PIP4K2A: variants seen among roughly 807,000 people sequenced by gnomAD.
The protein encoded by PIP4K2A is phosphatidylinositol 5-phosphate 4-kinase type-2 alpha.
PIP4K2A carries 14 observed loss-of-function variants against 42.9 expected under a neutral mutation model. That is an observed-to-expected ratio of 0.33 (90% CI 0.22 to 0.51). The LOEUF is 0.51. Ranked by LOEUF, PIP4K2A falls within the 20% of genes least tolerant of loss-of-function variation. The pLI, the probability that PIP4K2A is intolerant of heterozygous loss-of-function variation, is 0.97. For missense variants in PIP4K2A, 434 were observed against 519.8 expected, an observed-to-expected ratio of 0.83 and a Z score of 1.61; for synonymous variants, 192 against 192.2, an observed-to-expected ratio of 1.00 and a Z score of 0.01.
At chr10:22,539,739 A>C (rs1030797890) in intron 9 of PIP4K2A, 1 of 519,870 alleles carries the variant, frequency 1.9e-6, no homozygotes, top group Admixed American at 3.3e-5. Flanking sequence ...GTGAGCAGTA[A>C]GCGTTTGTGG....
chr10:22,638,306 A>C (rs1251709484), intron 1 of PIP4K2A, among the ~76,000 whole-genome samples: 1 of 151,880 alleles, frequency 6.6e-6, no homozygotes, highest in Non-Finnish European at 1.5e-5. Flanking sequence ...TCTCTGCCAC[A>C]CTCTCCCCTT....
chr10:22,649,460 C>T (rs949557678), intron 1 of PIP4K2A, among the ~76,000 whole-genome samples: 2 of 152,224 alleles, frequency 1.3e-5, no homozygotes, highest in South Asian at 2.1e-4. Flanking sequence ...ACGTGTCAAA[C>T]GGCCATCTCT....
chr10:22,579,901 T>A (rs1273000588), intron 4 of PIP4K2A, among the ~76,000 whole-genome samples: 1 of 150,700 alleles, frequency 6.6e-6, no homozygotes, highest in East Asian at 1.9e-4. Flanking sequence ...AGAACGAGAC[T>A]TCGTCTGAGA....
chr10:22,691,086 G>A (rs1302972478), intron 1 of PIP4K2A, among the ~76,000 whole-genome samples: 1 of 152,174 alleles, frequency 6.6e-6, no homozygotes, highest in Non-Finnish European at 1.5e-5. Flanking sequence ...TTTTGGTAAA[G>A]TCTTAAGAAA....
intron 1 of PIP4K2A, among the ~76,000 whole-genome samples, chr10:22,677,663 CAAG>C (rs1192498357): frequency 6.6e-6 from 1 of 152,082 alleles, no homozygotes; most frequent in East Asian, 1.9e-4. Flanking sequence ...TAAAAAGGTA[CAAG>C]AAAAAAATAA....
At chr10:22,673,359 G>A (rs750288420) in intron 1 of PIP4K2A, among the ~76,000 whole-genome samples, 3 of 152,118 alleles carry the variant, frequency 2.0e-5, no homozygotes, top group Non-Finnish European at 2.9e-5. Context: ...CTCAGTGCAG[G>A]AAAATGCAAT....
intron 1 of PIP4K2A, among the ~76,000 whole-genome samples, chr10:22,641,757 G>A (rs960783002): frequency 2.0e-5 from 3 of 151,900 alleles, no homozygotes; most frequent in African/African-American, 4.8e-5. Context: ...CCCCATGCCC[G>A]GCCTACCTTC....
At chr10:22,708,004 G>C (rs1441351158) in intron 1 of PIP4K2A, among the ~76,000 whole-genome samples, 1 of 152,156 alleles carries the variant, frequency 6.6e-6, no homozygotes, top group Non-Finnish European at 1.5e-5. Flanking sequence ...GGCAGACACA[G>C]GGAAATAAGC....
At chr10:22,678,060 C>T (rs1839591874) in intron 1 of PIP4K2A, among the ~76,000 whole-genome samples, 5 of 152,080 alleles carry the variant, frequency 3.3e-5, no homozygotes, top group Admixed American at 3.3e-4. Flanking sequence ...TCAGTTAAAG[C>T]TCCTGTACAT....
chr10:22,544,651 G>T (rs533263998), intron 7 of PIP4K2A, among the ~76,000 whole-genome samples: 18 of 152,356 alleles, frequency 1.2e-4, no homozygotes, highest in Non-Finnish European at 2.1e-4. Context: ...CACCCCTCCA[G>T]TCCTCTGCAA....
intron 1 of PIP4K2A, among the ~76,000 whole-genome samples, chr10:22,705,129 G>A (rs1833794267): frequency 6.6e-6 from 1 of 152,030 alleles, no homozygotes; most frequent in African/African-American, 2.4e-5. Flanking sequence ...ACTAGGTGAA[G>A]TTCAAGGAGA....
intron 4 of PIP4K2A, among the ~76,000 whole-genome samples, chr10:22,582,107 A>C (rs1358375072): frequency 6.7e-6 from 1 of 149,100 alleles, no homozygotes; most frequent in Non-Finnish European, 1.5e-5. Flanking sequence ...GTCTCAAAAA[A>C]GAAAAAAAAA....
intron 1 of PIP4K2A, among the ~76,000 whole-genome samples, chr10:22,683,928 G>A (rs1564466625): frequency 2.0e-5 from 3 of 150,982 alleles, no homozygotes; most frequent in Admixed American, 6.6e-5. Context: ...TCCTGGAATC[G>A]CCCAGCGCTT....
Position 22,679,895 on chromosome 10 carries a change from A to G in PIP4K2A, c.144+34288T>C, listed in dbSNP as rs113537533. Among the ~76,000 whole-genome samples, 711 of 152,288 alleles carry G rather than the reference A, an allele frequency of 4.7e-3. 3 individuals carry two copies. Among genetic ancestry groups the G allele is most frequent in the Non-Finnish European group, 8.3e-3 (563 of 68,016 alleles). On this transcript the variant is annotated intron_variant, in intron 1 of 9. Coordinates refer to ENST00000376573, the MANE Select transcript of PIP4K2A (RefSeq NM_005028.5). ...GTAGGGGTTGGGGGAAATAAGGTTT[A>G]GGTTTCTTTTAGAGAGGATGAAAAT...
chr10:22,601,444 A>C (rs1328865023), intron 3 of PIP4K2A, among the ~76,000 whole-genome samples: 2 of 152,278 alleles, frequency 1.3e-5, no homozygotes, highest in African/African-American at 4.8e-5. Context: ...AGCTTCCCCC[A>C]GTCTATCAAG....
intron 1 of PIP4K2A, among the ~76,000 whole-genome samples, chr10:22,699,661 G>T (rs1387558911): frequency 6.6e-6 from 1 of 152,084 alleles, no homozygotes; most frequent in Non-Finnish European, 1.5e-5. Context: ...TCTATACCTG[G>T]TTATCCTTGG....
rs1239311298 is a variant in PIP4K2A, at chr10:22,536,341, G to GT, written c.*859dup. 9 of 335,818 alleles carry GT rather than the reference G, an allele frequency of 2.7e-5. No individual in the cohort carries two copies. Among genetic ancestry groups the GT allele is most frequent in the African/African-American group, 5.7e-5 (2 of 35,264 alleles). 20.8% of individuals were successfully genotyped at this position (335,818 alleles called of 1,614,324 possible). ...GTAGCATTAATTCCTATATTGCAAC[G>GT]TAAGGGTGAACAATGAAGGCTCCAG... is the stretch of plus-strand genomic sequence containing the variant. On this transcript the variant is annotated 3_prime_UTR_variant, in exon 10 of 10. Transcript: ENST00000376573.
intron 1 of PIP4K2A, among the ~76,000 whole-genome samples, chr10:22,640,724 C>T (rs1057443631): frequency 6.6e-6 from 1 of 152,136 alleles, no homozygotes; most frequent in African/African-American, 2.4e-5. Context: ...GGAATCTAAA[C>T]GGGGTGATTG....
chr10:22,663,512 T>C (rs1330516769), intron 1 of PIP4K2A, among the ~76,000 whole-genome samples: 1 of 152,226 alleles, frequency 6.6e-6, no homozygotes, highest in African/African-American at 2.4e-5. Flanking sequence ...GAACAAATTA[T>C]ATATTATATT....
Sources: allele counts gnomAD v4.1 joint callset (sites outside exome capture counted in the v4.1 genomes callset), GRCh38; gene constraint gnomAD v4.1.1; transcripts MANE v1.5; gene names NCBI Gene and HGNC (gene_info 2026-07-23, HGNC 2026-07-21).